Variants in EMSY observed in about 807,000 individuals in gnomAD.
EMSY encodes the protein EMSY transcriptional repressor, BRCA2 interacting, also known as BRCA2-interacting transcriptional repressor EMSY.
In EMSY, 26 loss-of-function variants were observed where a neutral mutation model predicts 134.6. The ratio of observed to expected loss-of-function variants is 0.19; its 90% CI spans 0.14 to 0.27. The LOEUF (loss-of-function observed/expected upper bound fraction) is 0.27. EMSY is among the 10% of genes least tolerant of loss of function. The pLI, the probability that EMSY is intolerant of heterozygous loss-of-function variation, is 1.00. For missense variants in EMSY, 1,305 were observed against 1,611.4 expected (o/e 0.81, Z 3.26); for synonymous variants, 579 against 577.8 (o/e 1.00, Z -0.03).
intron 19 of EMSY, among the ~76,000 whole-genome samples, chr11:76,545,220 A>G (rs1951599092): frequency 6.6e-6 from 1 of 152,182 alleles, no homozygotes; most frequent in Non-Finnish European, 1.5e-5. Flanking sequence ...AACTTCATTG[A>G]ACATCTTTCT....
downstream of EMSY, chr11:76,552,519 T>A (rs538147408): frequency 2.6e-5 from 4 of 152,200 alleles, no homozygotes; most frequent in Admixed American, 6.5e-5. Flanking sequence ...GCTACAGAAT[T>A]TTTAGAATCC....
At chr11:76,480,671 A>G (rs1163116123) in intron 8 of EMSY, among the ~76,000 whole-genome samples, 1 of 152,148 alleles carries the variant, frequency 6.6e-6, no homozygotes, top group Non-Finnish European at 1.5e-5. Context: ...TCCCAGCGAG[A>G]TCAACACAGA....
Position 76,499,798 on chromosome 11 carries a change from G to A in EMSY, c.1363+3329G>A, listed in dbSNP as rs77955182. ...TATTGTTTTGTTCTGTTTTCTTAGC[G>A]TTTGCTTATGGTATTACAGTATACA... On this transcript the variant is annotated intron_variant, in intron 9 of 20. Coordinates refer to ENST00000334736, the Ensembl canonical transcript of EMSY. Among the ~76,000 whole-genome samples the A allele has an allele frequency of 1.7e-3, 262 of 151,792 alleles. 2 individuals carry two copies. The highest frequency in any genetic ancestry group is 0.013 in the East Asian group (66 of 5,176).
At chr11:76,518,629 T>C (rs187870160) in intron 11 of EMSY, among the ~76,000 whole-genome samples, 159 of 150,252 alleles carry the variant, frequency 1.1e-3, no homozygotes, top group South Asian at 1.9e-3. Flanking sequence ...AAAATTTAGG[T>C]ATATTTCTTT....
chr11:76,446,349 GTA>G (rs10636663), intron 1 of EMSY, among the ~76,000 whole-genome samples: 3,735 of 130,378 alleles, frequency 0.029, 99 homozygotes, highest in East Asian at 0.062. Flanking sequence ...ATATATATGT[GTA>G]TATATATATA....
chr11:76,523,704 C>CTTTTTTTTTTTTT (rs746491659), intron 12 of EMSY, among the ~76,000 whole-genome samples: 2,615 of 80,448 alleles, frequency 0.033, 25 homozygotes, highest in Non-Finnish European at 0.037. Context: ...TTGTTACTTT[C>CTTTTTTTTTTTTT]TTTTTTTTTT....
intron 2 of EMSY, among the ~76,000 whole-genome samples, chr11:76,450,783 A>T (rs7123914): frequency 0.91 from 136,273 of 149,092 alleles, 62,818 homozygotes; most frequent in South Asian, 0.98. Flanking sequence ...TGAGCCATGA[A>T]GCCTGGCCAG....
At position 76,498,506 on chromosome 11, in the gene EMSY, A is replaced by C. The variant is rs1949734554; in HGVS notation, c.1363+2037A>C. On this transcript the variant is annotated intron_variant, in intron 9 of 20. Coordinates refer to ENST00000334736, the Ensembl canonical transcript of EMSY. ...TGCTACATGTATTATATTTTGATAT[A>C]TCTATTGTTTGATGCATACATATTT... Among the ~76,000 whole-genome samples, 3 of 152,186 alleles carry C rather than the reference A, an allele frequency of 2.0e-5. No individual in the cohort carries two copies. In the East Asian group the frequency reaches 5.8e-4, roughly 29 times the overall value.
At chr11:76,476,772 A>G (rs1005551937) in intron 8 of EMSY, among the ~76,000 whole-genome samples, 4 of 152,096 alleles carry the variant, frequency 2.6e-5, no homozygotes, top group Non-Finnish European at 4.4e-5. Flanking sequence ...GAAATTAGAC[A>G]TTTCTTCAGG....
chr11:76,547,212 T>C, intron 20 of EMSY: 1 of 332,170 alleles, frequency 3.0e-6, no homozygotes, highest in East Asian at 9.6e-5. Flanking sequence ...TATTGAAATG[T>C]GAGTAGACTA....
chr11:76,480,628 G>C (rs188652294), intron 8 of EMSY, among the ~76,000 whole-genome samples: 1 of 152,276 alleles, frequency 6.6e-6, no homozygotes. Flanking sequence ...TTGCTGGCAA[G>C]GTAGCCGAAT....
At chr11:76,495,807 T>G (rs1412192823) in intron 8 of EMSY, among the ~76,000 whole-genome samples, 1 of 152,160 alleles carries the variant, frequency 6.6e-6, no homozygotes. Flanking sequence ...AAAAATAATA[T>G]TTGAAAAATA....
intron 3 of EMSY, among the ~76,000 whole-genome samples, chr11:76,452,264 G>A (rs888106139): frequency 6.6e-6 from 1 of 152,232 alleles, no homozygotes; most frequent in African/African-American, 2.4e-5. Flanking sequence ...TGACATAGGT[G>A]AAGGAAAGAA....
At chr11:76,536,771 G>A (rs1354899172) in intron 15 of EMSY, among the ~76,000 whole-genome samples, 1 of 152,194 alleles carries the variant, frequency 6.6e-6, no homozygotes, top group Admixed American at 6.5e-5. Flanking sequence ...TTATGGATAA[G>A]TAAACTGAGA....
rs1950990653 is a variant in EMSY at position 76,530,298 on chromosome 11, T to C, written c.2194+1832T>C. Among the ~76,000 whole-genome samples, 3 of 151,928 alleles carry C rather than the reference T, an allele frequency of 2.0e-5. No homozygotes were observed. The South Asian group carries it at 6.2e-4, about 32-fold the overall frequency. On this transcript the variant is annotated intron_variant, in intron 14 of 20. Coordinates refer to ENST00000334736, the Ensembl canonical transcript of EMSY. The stretch of plus-strand genomic sequence containing the variant: ...CCTCAGCCTCCCGAGTAGCTGGTAT[T>C]ACAAGCACGCACCACCATGCCCAGC...
chr11:76,548,053 G>A (rs951405642), intron 20 of EMSY, among the ~76,000 whole-genome samples: 1 of 152,176 alleles, frequency 6.6e-6, no homozygotes, highest in African/African-American at 2.4e-5. Flanking sequence ...CTTTACCTAT[G>A]AAGTGGAAGC....
chr11:76,463,986 A>G (rs1174114752), exon 7 of EMSY: 2 of 1,614,104 alleles, frequency 1.2e-6, no homozygotes, highest in African/African-American at 2.7e-5. Flanking sequence ...AACATCATGC[A>G]GAGCATTGCC....
intron 9 of EMSY, among the ~76,000 whole-genome samples, chr11:76,507,397 T>G (rs1950116266): frequency 6.6e-6 from 1 of 152,230 alleles, no homozygotes. Flanking sequence ...TTTACAACAT[T>G]TTACCCACAG....
At chr11:76,468,020 C>G (rs1342681813) in intron 7 of EMSY, among the ~76,000 whole-genome samples, 2 of 151,162 alleles carry the variant, frequency 1.3e-5, no homozygotes, top group Non-Finnish European at 2.9e-5. Flanking sequence ...GTAGTACATA[C>G]AGTGAGTGCT....
Sources: gnomAD v4.1 joint callset for allele counts (sites outside exome capture counted in the v4.1 genomes callset) on GRCh38, gnomAD v4.1.1 for gene constraint, MANE v1.5 for transcripts, NCBI Gene and HGNC (gene_info 2026-07-23, HGNC 2026-07-21) for gene names.